The following CLASP2 variants were observed in gnomAD, a reference collection of about 807,000 sequenced individuals.
The protein encoded by CLASP2 is cytoplasmic linker associated protein 2.
A neutral mutation model predicts 194.4 loss-of-function variants in CLASP2; 47 were observed. That is an observed-to-expected ratio of 0.24 (90% CI 0.19 to 0.31). The LOEUF is 0.31. Ranked by LOEUF, CLASP2 falls within the 10% of genes least tolerant of loss-of-function variation. The pLI is 1.00. For synonymous variants in CLASP2, 619 were observed against 633.5 expected (o/e 0.98, Z 0.34); for missense variants, 1,445 against 1,823.6 (o/e 0.79, Z 3.78).
chr3:33,605,143 A>G (rs2073472611), intron 16 of CLASP2, among the ~76,000 whole-genome samples: 1 of 152,228 alleles, frequency 6.6e-6, no homozygotes, highest in Non-Finnish European at 1.5e-5. Flanking sequence ...AATATGGTCC[A>G]TGAACAAACA....
At chr3:33,579,494 T>C (rs1407571863) in intron 23 of CLASP2, among the ~76,000 whole-genome samples, 2 of 152,210 alleles carry the variant, frequency 1.3e-5, no homozygotes, top group Non-Finnish European at 2.9e-5. Flanking sequence ...ATTATATAAA[T>C]GCAGGTGCCA....
chr3:33,659,612 A>C (rs1488529416), intron 7 of CLASP2: 1 of 167,770 alleles, frequency 6.0e-6, no homozygotes, highest in Non-Finnish European at 1.2e-5. Context: ...TGGCTGCCGT[A>C]AACAAATCAC....
At chr3:33,655,900 G>T (rs1024084532) in intron 7 of CLASP2, among the ~76,000 whole-genome samples, 9 of 152,126 alleles carry the variant, frequency 5.9e-5, no homozygotes, top group Admixed American at 2.6e-4. Flanking sequence ...AGTTTAGAAA[G>T]AATCTATTTA....
intron 16 of CLASP2, among the ~76,000 whole-genome samples, chr3:33,605,695 T>C (rs1041726604): frequency 7.9e-5 from 12 of 152,264 alleles, no homozygotes; most frequent in African/African-American, 2.4e-4. Context: ...CTCAGCTCAC[T>C]GCAACCTCCA....
intron 19 of CLASP2, chr3:33,596,467 CATTTT>C: frequency 2.6e-6 from 1 of 382,104 alleles, no homozygotes; most frequent in Non-Finnish European, 4.8e-6. Context: ...CTCAGGCAAA[CATTTT>C]ATAAGTTAAA....
At chr3:33,548,052 A>G (rs755594394) in intron 30 of CLASP2, among the ~76,000 whole-genome samples, 8 of 152,154 alleles carry the variant, frequency 5.3e-5, no homozygotes, top group Middle Eastern at 3.4e-3. Flanking sequence ...CTGGGATTAC[A>G]GGTGTGAGCC....
intron 30 of CLASP2, among the ~76,000 whole-genome samples, chr3:33,548,768 T>TC (rs2059556754): frequency 7.2e-6 from 1 of 139,194 alleles, no homozygotes; most frequent in South Asian, 2.3e-4. Context: ...CATTTCTTTT[T>TC]TTTTTTTTTT....
At chr3:33,617,603 A>G (rs867752793) in intron 12 of CLASP2, among the ~76,000 whole-genome samples, 1 of 152,162 alleles carries the variant, frequency 6.6e-6, no homozygotes, top group Non-Finnish European at 1.5e-5. Context: ...GATATATAAC[A>G]AAAGAGCTTA....
intron 23 of CLASP2, 59 bp from the exon 24 acceptor site, chr3:33,576,334 G>T: frequency 1.4e-6 from 2 of 1,391,704 alleles, no homozygotes; most frequent in Non-Finnish European, 2.0e-6. Flanking sequence ...ACAGTGTCAG[G>T]TTGGGAAACT....
intron 1 of CLASP2, among the ~76,000 whole-genome samples, chr3:33,699,360 C>T (rs143647392): frequency 5.8e-4 from 88 of 152,124 alleles, no homozygotes; most frequent in Admixed American, 1.6e-3. Flanking sequence ...TCAAACCATA[C>T]ATCTAAGTCT....
chr3:33,656,435 T>C (rs1356509103), intron 7 of CLASP2, among the ~76,000 whole-genome samples: 2 of 152,116 alleles, frequency 1.3e-5, no homozygotes, highest in African/African-American at 4.8e-5. Flanking sequence ...TAGATGTTTA[T>C]AAAGGGTGAG....
chr3:33,691,565 G>A (rs929434789), intron 2 of CLASP2, among the ~76,000 whole-genome samples: 1 of 152,172 alleles, frequency 6.6e-6, no homozygotes, highest in East Asian at 1.9e-4. Flanking sequence ...ATGAGGCAAC[G>A]TTCATCAATA....
rs1285368194 is a variant in CLASP2, at chr3:33,521,428, T to C, written c.3788-4254A>G. ...GGAGCACAGTGAAACCATGTGTTAC[T>C]AGATAGGGTGCAATGAAAAGAATGC... On this transcript the variant is annotated intron_variant, in intron 34 of 38. Coordinates refer to ENST00000682230, the MANE Select transcript of CLASP2 (RefSeq NM_001365631.1). Among the ~76,000 whole-genome samples the C allele has an allele frequency of 2.0e-5, 3 of 152,190 alleles. No homozygotes were observed. The East Asian group carries it at 5.8e-4, about 29-fold the overall frequency.
intron 26 of CLASP2, among the ~76,000 whole-genome samples, chr3:33,567,376 T>C (rs1259024094): frequency 1.3e-5 from 2 of 152,218 alleles, no homozygotes; most frequent in Admixed American, 6.5e-5. Flanking sequence ...TAGCCACAGA[T>C]TGAATTTCTA....
At chr3:33,714,042 T>C (rs1240408280) in intron 1 of CLASP2, among the ~76,000 whole-genome samples, 1 of 152,196 alleles carries the variant, frequency 6.6e-6, no homozygotes, top group African/African-American at 2.4e-5. Context: ...TAAAGCAATA[T>C]ACTTATGTCT....
chr3:33,692,195 T>C (rs1238904945), intron 2 of CLASP2, among the ~76,000 whole-genome samples: 1 of 151,944 alleles, frequency 6.6e-6, no homozygotes, highest in African/African-American at 2.4e-5. Flanking sequence ...AATAAATAAA[T>C]ATCTATACAA....
Position 33,601,204 on chromosome 3 carries a change from C to T in CLASP2, c.1924+1748G>A, listed in dbSNP as rs138966075. Among the ~76,000 whole-genome samples the T allele has an allele frequency of 3.4e-3, 524 of 152,250 alleles. 1 individual carries two copies. The highest frequency in any genetic ancestry group is 0.01 in the Middle Eastern group (3 of 294). ...CTCGATCTCCTGACTTCGTGATCCA[C>T]CTGTCTCGGCCTCCCAAAGTGCTGG... On this transcript the variant is annotated intron_variant, in intron 18 of 38. Coordinates refer to ENST00000682230, the MANE Select transcript of CLASP2 (RefSeq NM_001365631.1).
intron 23 of CLASP2, 145 bp downstream of exon 23, chr3:33,581,676 T>C: frequency 1.7e-6 from 1 of 598,532 alleles, no homozygotes; most frequent in Non-Finnish European, 3.0e-6. Context: ...CCCAAACATG[T>C]AATTTCCTTT....
At chr3:33,534,047 A>C (rs767964245) in intron 34 of CLASP2, among the ~76,000 whole-genome samples, 2 of 152,106 alleles carry the variant, frequency 1.3e-5, no homozygotes, top group Non-Finnish European at 2.9e-5. Context: ...GACACACACA[A>C]AAAGAATTAT....
Sources: allele counts gnomAD v4.1 joint callset (sites outside exome capture counted in the v4.1 genomes callset), GRCh38; gene constraint gnomAD v4.1.1; transcripts MANE v1.5; gene names NCBI Gene and HGNC (gene_info 2026-07-23, HGNC 2026-07-21).